EXOC4: variants seen among roughly 807,000 people sequenced by gnomAD.
EXOC4 encodes exocyst complex component 4.
In EXOC4, 71 loss-of-function variants were observed where a neutral mutation model predicts 107.2. The observed-to-expected ratio is 0.66, with a 90% confidence interval of 0.55 to 0.81. The LOEUF (loss-of-function observed/expected upper bound fraction) is 0.81, where lower values mean the gene tolerates loss of function less well. EXOC4 is among the 30% of genes least tolerant of loss of function. The pLI is 0.00. For synonymous variants in EXOC4, 456 were observed against 441.2 expected (o/e 1.03, Z -0.42); for missense variants, 1,108 against 1,189.6 (o/e 0.93, Z 1.01).
chr7:133,839,961 A>C (rs1412336685), intron 11 of EXOC4, among the ~76,000 whole-genome samples: 1 of 122,142 alleles, frequency 8.2e-6, no homozygotes, highest in African/African-American at 3.1e-5. Flanking sequence ...TATACTAATA[A>C]ATCAATGTTA....
At chr7:133,676,951 GTGTGTA>G (rs780014788) in intron 10 of EXOC4, among the ~76,000 whole-genome samples, 6,636 of 93,914 alleles carry the variant, frequency 0.071, 214 homozygotes, top group Non-Finnish European at 0.1. Context: ...GTGTGTGTGT[GTGTGTA>G]TGTGTGTGTG....
chr7:134,098,669 C>A, the EXOC4 span, among the ~76,000 whole-genome samples: 5 of 152,172 alleles, frequency 3.3e-5, no homozygotes, highest in African/African-American at 1.2e-4. Context: ...CAGAACTCTA[C>A]CTCTGGTTCT....
At chr7:133,658,695 G>A (rs1803360623) in intron 10 of EXOC4, among the ~76,000 whole-genome samples, 2 of 152,152 alleles carry the variant, frequency 1.3e-5, no homozygotes, top group South Asian at 2.1e-4. Context: ...GGATGTGTGG[G>A]GTGGATGTGT....
intron 9 of EXOC4, among the ~76,000 whole-genome samples, chr7:133,620,937 T>C (rs1802314458): frequency 6.6e-6 from 1 of 152,220 alleles, no homozygotes; most frequent in Non-Finnish European, 1.5e-5. Flanking sequence ...CAATTAAAAC[T>C]CCCTTGTGCC....
chr7:133,917,782 G>T, intron 13 of EXOC4, 44 bp downstream of exon 13: 1 of 1,567,860 alleles, frequency 6.4e-7, no homozygotes, highest in Non-Finnish European at 8.7e-7. Context: ...TAGGGAGGAA[G>T]CACATCTGTT....
At chr7:133,297,705 G>A (rs893030415) in intron 3 of EXOC4, among the ~76,000 whole-genome samples, 7 of 152,040 alleles carry the variant, frequency 4.6e-5, no homozygotes, top group Admixed American at 3.3e-4. Flanking sequence ...AATGGTGTAG[G>A]TATCATCGTC....
In EXOC4 at chr7:133,308,758, CA is replaced by C. The variant is rs1047478501; in HGVS notation, c.656+2702del. ...ATAATCTGGAAATTTTTATGATTTT[CA>C]AAAACAAATTTTATAAATACCAGGA... On this transcript the variant is annotated intron_variant, in intron 4 of 17. Transcript: ENST00000253861. Among the ~76,000 whole-genome samples the C allele has an allele frequency of 4.6e-5, 7 of 152,092 alleles. 1 individual carries two copies. Among genetic ancestry groups the C allele is most frequent in the Non-Finnish European group, 5.9e-5 (4 of 68,004 alleles).
intron 14 of EXOC4, among the ~76,000 whole-genome samples, chr7:133,987,798 A>G (rs1794153200): frequency 6.6e-6 from 1 of 152,154 alleles, no homozygotes; most frequent in African/African-American, 2.4e-5. Context: ...CTAATATTGT[A>G]ACAATTTTAG....
intron 8 of EXOC4, among the ~76,000 whole-genome samples, chr7:133,475,750 A>G (rs906770189): frequency 2.0e-5 from 3 of 152,176 alleles, no homozygotes; most frequent in East Asian, 1.9e-4. Context: ...AAACTCCCCA[A>G]TTGTTTCTGG....
intron 11 of EXOC4, among the ~76,000 whole-genome samples, chr7:133,819,028 A>T (rs1354453670): frequency 6.6e-6 from 1 of 152,090 alleles, no homozygotes; most frequent in Non-Finnish European, 1.5e-5. Context: ...TTCACTTTGG[A>T]TCATGGCCCT....
intron 11 of EXOC4, among the ~76,000 whole-genome samples, chr7:133,854,422 A>G (rs999751006): frequency 2.0e-5 from 3 of 150,540 alleles, no homozygotes; most frequent in African/African-American, 7.3e-5. Context: ...ACACACACAC[A>G]CACACACACA....
intron 9 of EXOC4, chr7:133,481,191 A>T (rs950008862): frequency 1.3e-5 from 2 of 152,156 alleles, no homozygotes; most frequent in African/African-American, 4.8e-5. Flanking sequence ...TAAAGTATAC[A>T]TATGTGTGTG....
chr7:133,448,538 C>T lies in EXOC4; in HGVS notation c.1183-26790C>T, dbSNP rs527736258. ...GCCCAGGCTGGTCTCAAACTCCTGG[C>T]CTCAAGTGATCTTGCCACTTCACCC... On this transcript the variant is annotated intron_variant, in intron 7 of 17. Coordinates refer to ENST00000253861, the MANE Select transcript of EXOC4 (RefSeq NM_021807.4). 3.3e-5 allele frequency among the ~76,000 whole-genome samples: 5 copies of T among 152,098 alleles called. No homozygotes were observed. In the South Asian group the frequency reaches 1.0e-3, roughly 32 times the overall value.
At chr7:133,636,331 T>C (rs1251378807) in intron 10 of EXOC4, among the ~76,000 whole-genome samples, 1 of 152,196 alleles carries the variant, frequency 6.6e-6, no homozygotes, top group African/African-American at 2.4e-5. Flanking sequence ...TGGATGTTGC[T>C]TTCTACCTGT....
chr7:133,858,706 TG>T (rs1798471234), intron 11 of EXOC4, among the ~76,000 whole-genome samples: 1 of 152,190 alleles, frequency 6.6e-6, no homozygotes, highest in Non-Finnish European at 1.5e-5. Context: ...GATTCGGAAA[TG>T]GGATGGTGTT....
At chr7:134,098,050 G>T in the EXOC4 span, among the ~76,000 whole-genome samples, 1 of 152,162 alleles carries the variant, frequency 6.6e-6, no homozygotes, top group Non-Finnish European at 1.5e-5. Flanking sequence ...ACGAAAGGAG[G>T]ATTCACACAT....
chr7:133,825,492 C>G (rs1292285664), intron 11 of EXOC4, among the ~76,000 whole-genome samples: 1 of 152,166 alleles, frequency 6.6e-6, no homozygotes, highest in East Asian at 1.9e-4. Context: ...GGAGCTCTTA[C>G]TGAAAGTTGG....
At chr7:133,652,253 C>T (rs1249425108) in intron 10 of EXOC4, among the ~76,000 whole-genome samples, 2 of 152,102 alleles carry the variant, frequency 1.3e-5, no homozygotes, top group Non-Finnish European at 2.9e-5. Flanking sequence ...CTTTCACATG[C>T]AGCCTAGACA....
chr7:133,821,503 A>G (rs1797520011), intron 11 of EXOC4, among the ~76,000 whole-genome samples: 2 of 152,080 alleles, frequency 1.3e-5, no homozygotes, highest in Admixed American at 6.6e-5. Context: ...GCATTTTGAC[A>G]TTGTCTGTTG....
Sources: gnomAD v4.1 joint callset for allele counts (sites outside exome capture counted in the v4.1 genomes callset) on GRCh38, gnomAD v4.1.1 for gene constraint, MANE v1.5 for transcripts, NCBI Gene and HGNC (gene_info 2026-07-23, HGNC 2026-07-21) for gene names.